The following KIAA0586 variants were observed in gnomAD, a reference collection of about 807,000 sequenced individuals.
KIAA0586 encodes the protein KIAA0586.
Under a neutral mutation model 169.8 loss-of-function variants are expected in KIAA0586, and 144 were observed. That is an observed-to-expected ratio of 0.85 (90% CI 0.74 to 0.97). The LOEUF (loss-of-function observed/expected upper bound fraction) is 0.97, where lower values mean the gene tolerates loss of function less well. Ranked by LOEUF, KIAA0586 falls within the 50% of genes least tolerant of loss-of-function variation. The pLI, the probability that KIAA0586 is intolerant of heterozygous loss-of-function variation, is 0.00. For synonymous variants in KIAA0586, 625 were observed against 612.4 expected, an observed-to-expected ratio of 1.02 and a Z score of -0.30; for missense variants, 1,854 against 1,823.0, an observed-to-expected ratio of 1.02 and a Z score of -0.31.
intron 8 of KIAA0586, 38 bp from the exon 9 acceptor site, chr14:58,453,312 A>C (rs768519280): frequency 2.0e-5 from 21 of 1,072,932 alleles, no homozygotes; most frequent in Non-Finnish European, 1.3e-6. Flanking sequence ...GAAATGAATT[A>C]GTATTTGGAA....
chr14:58,511,632 A>G (rs2044393614), intron 28 of KIAA0586, among the ~76,000 whole-genome samples: 1 of 152,190 alleles, frequency 6.6e-6, no homozygotes, highest in African/African-American at 2.4e-5. Context: ...ATTTCCTTCG[A>G]GGCAGAAACA....
intron 18 of KIAA0586, among the ~76,000 whole-genome samples, chr14:58,473,433 A>G (rs2041374100): frequency 6.6e-6 from 1 of 152,200 alleles, no homozygotes; most frequent in South Asian, 2.1e-4. Context: ...AAAAACTTTA[A>G]CAATTCCAGA....
At position 58,442,867 on chromosome 14, in the gene KIAA0586, C is replaced by G; in HGVS notation, c.572C>G (p.Ala191Gly). The change falls in exon 5 of 31, where the codon GCT becomes GGT. Residue 191 changes from alanine (A) to glycine (G), a missense_variant. Coordinates refer to ENST00000652326, the MANE Select transcript of KIAA0586 (RefSeq NM_001329943.3). ...ACTGCTGCTGCCATTGCAACCGCAG[C>G]TCCGTTGATAAAGGTATATTTTTCT... is the stretch of plus-strand genomic sequence containing the variant. ...AATAAAIATA[A>G]PLIKVQSDLE... 6.2e-7 allele frequency: 1 copy of G among 1,604,980 alleles called. No individual in the cohort carries two copies. Among genetic ancestry groups the G allele is most frequent in the Non-Finnish European group, 8.5e-7 (1 of 1,175,978 alleles).
intron 5 of KIAA0586, 57 bp from the exon 6 acceptor site, chr14:58,443,897 A>G: frequency 1.0e-6 from 1 of 983,084 alleles, no homozygotes; most frequent in East Asian, 2.6e-5. Context: ...TCTAGTAATT[A>G]GACATATTTT....
chr14:58,511,652 A>G (rs1440553908), intron 28 of KIAA0586, among the ~76,000 whole-genome samples: 1 of 152,182 alleles, frequency 6.6e-6, no homozygotes, highest in Non-Finnish European at 1.5e-5. Flanking sequence ...ATACATGACT[A>G]ACGGCTCTAA....
intron 18 of KIAA0586, 69 bp downstream of exon 18, chr14:58,472,348 T>G: frequency 1.3e-6 from 1 of 799,624 alleles, no homozygotes; most frequent in Non-Finnish European, 1.9e-6. Context: ...TGACTATCTT[T>G]GGACTATCAA....
At chr14:58,520,668 G>A (rs1263883099) in intron 29 of KIAA0586, among the ~76,000 whole-genome samples, 6 of 151,960 alleles carry the variant, frequency 3.9e-5, no homozygotes, top group East Asian at 1.9e-4. Context: ...GATGGCAGGC[G>A]TGTGCCACCA....
At chr14:58,449,639 C>G (rs1282911388) in intron 7 of KIAA0586, among the ~76,000 whole-genome samples, 3 of 152,180 alleles carry the variant, frequency 2.0e-5, no homozygotes, top group African/African-American at 7.2e-5. Context: ...GACTTGCCTG[C>G]TCAAGGTTAC....
intron 11 of KIAA0586, 73 bp downstream of exon 11, chr14:58,458,052 C>A: frequency 2.1e-6 from 2 of 961,954 alleles, no homozygotes; most frequent in Non-Finnish European, 3.1e-6. Flanking sequence ...TTTTTCTAAG[C>A]ACTGTATTTT....
At chr14:58,516,716 A>G (rs975695784) in intron 29 of KIAA0586, among the ~76,000 whole-genome samples, 3 of 152,208 alleles carry the variant, frequency 2.0e-5, no homozygotes, top group African/African-American at 7.2e-5. Flanking sequence ...AGAAAAATAA[A>G]GTTGGAAGAT....
At chr14:58,523,417 TTCTTAACCA>T (rs1172306645) in intron 29 of KIAA0586, among the ~76,000 whole-genome samples, 1 of 152,172 alleles carries the variant, frequency 6.6e-6, no homozygotes, top group African/African-American at 2.4e-5. Flanking sequence ...CCCTTCATTG[TTCTTAACCA>T]GATTTCCTGA....
intron 26 of KIAA0586, among the ~76,000 whole-genome samples, chr14:58,494,990 C>T (rs1006562530): frequency 3.9e-5 from 6 of 152,178 alleles, no homozygotes; most frequent in South Asian, 2.1e-4. Context: ...ACAGCCTCCT[C>T]GCTAGGATGC....
Position 58,458,679 on chromosome 14 carries a change from CTT to C in KIAA0586, c.1656+136_1656+137del, listed in dbSNP as rs1365503354. The stretch of plus-strand genomic sequence containing the variant: ...ACTTATTTTTAATTTAATTGTCACT[CTT>C]TATATTTACTTAGTAATAAGTTTAG... On this transcript the variant is annotated intron_variant, in intron 12 of 30. Coordinates refer to ENST00000652326, the MANE Select transcript of KIAA0586 (RefSeq NM_001329943.3). The C allele has an allele frequency of 3.0e-5, 16 of 541,978 alleles. No homozygotes were observed. The African/African-American group carries it at 3.0e-4, about 10-fold the overall frequency. The allele number at this position is 541,978 out of a possible 1,614,324, so 33.6% of individuals were successfully genotyped here.
intron 28 of KIAA0586, among the ~76,000 whole-genome samples, chr14:58,510,597 C>G (rs1428207782): frequency 6.6e-6 from 1 of 152,138 alleles, no homozygotes; most frequent in Non-Finnish European, 1.5e-5. Flanking sequence ...TATACACCCA[C>G]CATATGAACC....
Position 58,432,408 on chromosome 14 carries a change from C to T in KIAA0586, c.361C>T (p.Gln121Ter). 6.4e-7 allele frequency: 1 copy of T among 1,555,420 alleles called. No homozygotes were observed. Among genetic ancestry groups the T allele is most frequent in the Non-Finnish European group, 8.7e-7 (1 of 1,152,036 alleles). Residue 121 changes from glutamine (Q) to a stop codon, truncating the protein, a stop_gained, in exon 4 of 31, where the codon CAG (glutamine) becomes TAG (stop). Transcript: ENST00000652326. LOFTEE classifies it high-confidence loss of function. ...TGCAGCAAATGACATCTTCATTTCT[C>T]AGTATACAATGGGACAGAAAGATGC... ...KQKANDIFIS[Q>*]YTMGQKDALR...
At chr14:58,480,021 T>C (rs1566867296) in intron 20 of KIAA0586, among the ~76,000 whole-genome samples, 2 of 152,170 alleles carry the variant, frequency 1.3e-5, no homozygotes, top group Non-Finnish European at 2.9e-5. Context: ...CTACTTTTTT[T>C]CTTCTTTCCA....
chr14:58,475,934 T>C (rs760664830), intron 19 of KIAA0586, among the ~76,000 whole-genome samples: 4 of 152,002 alleles, frequency 2.6e-5, no homozygotes, highest in Non-Finnish European at 4.4e-5. Context: ...ACCCCGTCAC[T>C]ACTGAAAAAA....
Position 58,460,078 on chromosome 14 carries a change from C to T in KIAA0586, c.1884+8C>T. ...CAGAAAGAGAGAAAGGAAGTAAGATCCTAATCTGTTCTTTTAACATAATTG... is the reference window on the plus strand; with the variant it reads ...CAGAAAGAGAGAAAGGAAGTAAGATTCTAATCTGTTCTTTTAACATAATTG... On this transcript the variant is annotated splice_region_variant and intron_variant, in intron 13 of 30. Transcript: ENST00000652326. 1.4e-6 allele frequency: 2 copies of T among 1,394,746 alleles called. No homozygotes were observed. Among genetic ancestry groups the T allele is most frequent in the East Asian group, 2.5e-5 (1 of 40,058 alleles). The allele number at this position is 1,394,746 out of a possible 1,614,324, so 86.4% of individuals were successfully genotyped here.
chr14:58,463,343 C>A (rs984794936), intron 14 of KIAA0586, among the ~76,000 whole-genome samples: 1 of 152,100 alleles, frequency 6.6e-6, no homozygotes, highest in Non-Finnish European at 1.5e-5. Context: ...TCCATGAGTA[C>A]AGTTGGTTTA....
Sources: gnomAD v4.1 joint callset for allele counts (sites outside exome capture counted in the v4.1 genomes callset) on GRCh38, gnomAD v4.1.1 for gene constraint, MANE v1.5 for transcripts, NCBI Gene and HGNC (gene_info 2026-07-23, HGNC 2026-07-21) for gene names.